NELL1: variants seen among roughly 807,000 people sequenced by gnomAD.
NELL1 encodes the protein neural EGFL like 1.
A neutral mutation model predicts 107.4 loss-of-function variants in NELL1; 76 were observed. That is an observed-to-expected ratio of 0.71 (90% CI 0.59 to 0.86). The LOEUF (loss-of-function observed/expected upper bound fraction) is 0.86. Ranked by LOEUF, NELL1 falls within the 40% of genes least tolerant of loss-of-function variation. The pLI is 0.00. For missense variants in NELL1, 1,024 were observed against 1,005.5 expected, an observed-to-expected ratio of 1.02 and a Z score of -0.25; for synonymous variants, 353 against 341.2, an observed-to-expected ratio of 1.03 and a Z score of -0.38.
chr11:21,205,600 G>T (rs375564363), intron 13 of NELL1, among the ~76,000 whole-genome samples: 1 of 152,310 alleles, frequency 6.6e-6, no homozygotes, highest in South Asian at 2.1e-4. Flanking sequence ...CCTGGCTTCA[G>T]CCCCCTTTCT....
chr11:21,372,559 A>G (rs1293864815), intron 15 of NELL1, among the ~76,000 whole-genome samples: 2 of 152,032 alleles, frequency 1.3e-5, no homozygotes, highest in African/African-American at 4.8e-5. Context: ...AGAACTGAGA[A>G]TAAAACACAG....
At chr11:20,806,213 T>C (rs1333116627) in intron 3 of NELL1, among the ~76,000 whole-genome samples, 2 of 151,846 alleles carry the variant, frequency 1.3e-5, no homozygotes, top group Non-Finnish European at 2.9e-5. Context: ...TCAGTGTTTA[T>C]CTGGGAAAGC....
At chr11:20,919,394 G>T in intron 7 of NELL1, 60 bp downstream of exon 7, 1 of 1,037,886 alleles carries the variant, frequency 9.6e-7, no homozygotes, top group Non-Finnish European at 1.5e-6. Flanking sequence ...TCTGGAATTT[G>T]GAGTGATATG....
intron 4 of NELL1, among the ~76,000 whole-genome samples, chr11:20,875,769 T>C (rs919001050): frequency 2.0e-5 from 3 of 152,006 alleles, no homozygotes; most frequent in Admixed American, 6.6e-5. Flanking sequence ...TAAGAAGTAG[T>C]GAAAGAGTGA....
chr11:21,141,930 A>T (rs1855878536), intron 13 of NELL1, among the ~76,000 whole-genome samples: 1 of 151,832 alleles, frequency 6.6e-6, no homozygotes, highest in Non-Finnish European at 1.5e-5. Flanking sequence ...TGCTCAGCTA[A>T]TTTTGGTATT....
At chr11:21,299,409 C>G (rs2133969536) in intron 14 of NELL1, among the ~76,000 whole-genome samples, 1 of 151,828 alleles carries the variant, frequency 6.6e-6, no homozygotes, top group African/African-American at 2.4e-5. Context: ...AATCACCCAG[C>G]CAGAAACTTG....
intron 11 of NELL1, among the ~76,000 whole-genome samples, chr11:20,951,399 C>A (rs2134203371): frequency 6.6e-6 from 1 of 152,170 alleles, no homozygotes; most frequent in Non-Finnish European, 1.5e-5. Context: ...CAGGCTACAT[C>A]TTTACATTTG....
At chr11:21,328,682 G>T (rs992993517) in intron 14 of NELL1, among the ~76,000 whole-genome samples, 2 of 152,106 alleles carry the variant, frequency 1.3e-5, no homozygotes, top group Non-Finnish European at 2.9e-5. Context: ...TCCAGGAGGG[G>T]AGCTATACCC....
intron 14 of NELL1, among the ~76,000 whole-genome samples, chr11:21,297,621 C>A (rs1849401626): frequency 6.6e-6 from 1 of 151,998 alleles, no homozygotes; most frequent in Non-Finnish European, 1.5e-5. Context: ...TCTCAATGTT[C>A]TTTGTCTTCC....
intron 3 of NELL1, among the ~76,000 whole-genome samples, chr11:20,804,512 A>G (rs1857342117): frequency 6.6e-6 from 1 of 152,224 alleles, no homozygotes; most frequent in South Asian, 2.1e-4. Context: ...CTGGGAATAC[A>G]GGCAATTTTA....
intron 15 of NELL1, among the ~76,000 whole-genome samples, chr11:21,408,919 A>T (rs1176207034): frequency 1.3e-5 from 2 of 151,994 alleles, no homozygotes; most frequent in Non-Finnish European, 2.9e-5. Flanking sequence ...ATCATTAAAA[A>T]GTCAGGAAAC....
intron 13 of NELL1, among the ~76,000 whole-genome samples, chr11:21,169,554 A>T (rs968476814): frequency 2.0e-5 from 3 of 151,818 alleles, no homozygotes; most frequent in Admixed American, 6.5e-5. Context: ...AAAATATAAG[A>T]TTTGATTTGT....
chr11:21,276,471 C>T (rs563141487), intron 14 of NELL1, among the ~76,000 whole-genome samples: 2 of 152,242 alleles, frequency 1.3e-5, no homozygotes, highest in Non-Finnish European at 2.9e-5. Context: ...GGCCATACTG[C>T]CCAAGGTAAT....
chr11:21,418,900 G>A (rs372466306), intron 15 of NELL1, among the ~76,000 whole-genome samples: 25 of 152,194 alleles, frequency 1.6e-4, no homozygotes, highest in Admixed American at 5.2e-4. Flanking sequence ...TCATGAGCAC[G>A]TAAAGTGAAT....
At chr11:21,436,703 G>A (rs1051529667) in intron 15 of NELL1, among the ~76,000 whole-genome samples, 3 of 151,610 alleles carry the variant, frequency 2.0e-5, no homozygotes, top group Admixed American at 1.3e-4. Flanking sequence ...TGCTTTTCTG[G>A]TTCCTTGAGG....
chr11:21,033,505 T>G (rs954097948), intron 12 of NELL1, among the ~76,000 whole-genome samples: 1 of 152,134 alleles, frequency 6.6e-6, no homozygotes, highest in African/African-American at 2.4e-5. Context: ...TTCTGTTTCT[T>G]TATTAGTTTT....
At chr11:20,724,502 A>G (rs1235478462) in intron 2 of NELL1, among the ~76,000 whole-genome samples, 1 of 152,152 alleles carries the variant, frequency 6.6e-6, no homozygotes, top group Non-Finnish European at 1.5e-5. Context: ...AGTCCCATAG[A>G]TTCCTAGGGC....
chr11:21,378,535 T>A (rs937522551), intron 15 of NELL1, among the ~76,000 whole-genome samples: 1 of 151,832 alleles, frequency 6.6e-6, no homozygotes, highest in Admixed American at 6.6e-5. Context: ...ATGTTCACCC[T>A]CTCTCAATGG....
At chr11:21,154,267 T>C (rs1296894580) in intron 13 of NELL1, among the ~76,000 whole-genome samples, 1 of 152,210 alleles carries the variant, frequency 6.6e-6, no homozygotes, top group Non-Finnish European at 1.5e-5. Flanking sequence ...AAATATATGA[T>C]GATCAAAAGT....
Sources: allele counts gnomAD v4.1 joint callset (sites outside exome capture counted in the v4.1 genomes callset), GRCh38; gene constraint gnomAD v4.1.1; transcripts MANE v1.5; gene names NCBI Gene and HGNC (gene_info 2026-07-23, HGNC 2026-07-21).